RBFOX1: variants seen among roughly 807,000 people sequenced by gnomAD.
RBFOX1 encodes the protein RNA binding fox-1 homolog 1, also known as RNA binding protein fox-1 homolog 1.
A neutral mutation model predicts 57.7 loss-of-function variants in RBFOX1; 8 were observed. The ratio of observed to expected loss-of-function variants is 0.14; its 90% CI spans 0.08 to 0.25. The LOEUF (loss-of-function observed/expected upper bound fraction) is 0.25. Ranked by LOEUF, RBFOX1 falls within the 10% of genes least tolerant of loss-of-function variation. The pLI, the probability that RBFOX1 is intolerant of heterozygous loss-of-function variation, is 1.00. For missense variants in RBFOX1, 611 were observed against 548.5 expected (o/e 1.11, Z -1.14); for synonymous variants, 326 against 222.4 (o/e 1.47, Z -4.15).
At chr16:5,329,611 C>T (rs542729224) in intron 1 of RBFOX1, among the ~76,000 whole-genome samples, 4 of 152,340 alleles carry the variant, frequency 2.6e-5, no homozygotes, top group African/African-American at 9.6e-5. Context: ...CTGTCTTAGT[C>T]TGTTTGGACT....
At chr16:5,892,321 G>T (rs1284440028) in intron 4 of RBFOX1, among the ~76,000 whole-genome samples, 1 of 152,130 alleles carries the variant, frequency 6.6e-6, no homozygotes, top group Non-Finnish European at 1.5e-5. Flanking sequence ...TTAAAGTTCT[G>T]CCTTTGCTGT....
intron 4 of RBFOX1, among the ~76,000 whole-genome samples, chr16:7,096,196 C>A (rs565851458): frequency 1.3e-5 from 2 of 152,004 alleles, no homozygotes; most frequent in Non-Finnish European, 2.9e-5. Context: ...TGGTAACCAT[C>A]GAGCAAAAGT....
At chr16:6,858,709 G>A (rs1222381056) in intron 3 of RBFOX1, among the ~76,000 whole-genome samples, 2 of 152,086 alleles carry the variant, frequency 1.3e-5, no homozygotes, top group Admixed American at 6.6e-5. Flanking sequence ...CAGAATATGA[G>A]TGTTCAGCTC....
At chr16:6,521,337 A>T (rs374350402) in intron 2 of RBFOX1, among the ~76,000 whole-genome samples, 25 of 152,172 alleles carry the variant, frequency 1.6e-4, no homozygotes, top group African/African-American at 6.0e-4. Context: ...CTAACATTCC[A>T]CTACTAATTG....
chr16:7,032,552 T>A (rs2043088183), intron 3 of RBFOX1, among the ~76,000 whole-genome samples: 1 of 151,758 alleles, frequency 6.6e-6, no homozygotes, highest in Non-Finnish European at 1.5e-5. Context: ...AAATCTTATG[T>A]GGGAACATCT....
chr16:7,528,794 C>G (rs2079284108), intron 5 of RBFOX1, among the ~76,000 whole-genome samples: 1 of 152,124 alleles, frequency 6.6e-6, no homozygotes, highest in East Asian at 1.9e-4. Flanking sequence ...CTATGAATTC[C>G]ATGCAATTTT....
rs147845388 is a variant in RBFOX1, at chr16:5,417,247, C to A, written c.220-49969C>A. On this transcript the variant is annotated intron_variant, in intron 1 of 2. Coordinates refer to the RBFOX1 transcript ENST00000585867. Reference sequence around the variant, plus strand: ...TTAGTGTTAATTTCTGGCAGGGTTCCCCTACTCCCTGTTGAAGGAAATCAA... The same window carrying A: ...TTAGTGTTAATTTCTGGCAGGGTTCACCTACTCCCTGTTGAAGGAAATCAA... 1.9e-3 allele frequency among the ~76,000 whole-genome samples: 282 copies of A among 152,260 alleles called. 1 individual carries two copies. Among genetic ancestry groups the A allele is most frequent in the Middle Eastern group, 0.014 (4 of 294 alleles).
chr16:5,525,465 G>C (rs1475642252), intron 2 of RBFOX1, among the ~76,000 whole-genome samples: 1 of 148,706 alleles, frequency 6.7e-6, no homozygotes, highest in Non-Finnish European at 1.5e-5. Flanking sequence ...CTCACACCGA[G>C]ATAGGCTGGC....
At chr16:5,415,378 A>T (rs957301376) in intron 1 of RBFOX1, among the ~76,000 whole-genome samples, 3 of 152,180 alleles carry the variant, frequency 2.0e-5, no homozygotes, top group Non-Finnish European at 4.4e-5. Flanking sequence ...CACCCCGATG[A>T]TGCAGTCACT....
At chr16:7,700,509 C>G (rs1036935570) in intron 14 of RBFOX1, among the ~76,000 whole-genome samples, 5 of 152,146 alleles carry the variant, frequency 3.3e-5, no homozygotes, top group African/African-American at 2.4e-5. Flanking sequence ...ATAAGGGATA[C>G]AATTTGTTTT....
chr16:6,284,148 GC>G (rs1307204324), intron 1 of RBFOX1, among the ~76,000 whole-genome samples: 9 of 152,140 alleles, frequency 5.9e-5, no homozygotes, highest in African/African-American at 2.2e-4. Flanking sequence ...TAATCACTTT[GC>G]CCCATTTTTC....
At chr16:6,096,952 A>G (rs2096252169) in intron 1 of RBFOX1, among the ~76,000 whole-genome samples, 1 of 152,136 alleles carries the variant, frequency 6.6e-6, no homozygotes, top group Non-Finnish European at 1.5e-5. Flanking sequence ...CACTCCTGGT[A>G]TGGTTTGGCT....
intron 3 of RBFOX1, among the ~76,000 whole-genome samples, chr16:5,787,133 C>G (rs2054529544): frequency 6.6e-6 from 1 of 152,046 alleles, no homozygotes; most frequent in Admixed American, 6.5e-5. Context: ...GATACTGTCT[C>G]CCAAAAAAAT....
chr16:6,067,021 TTAAA>T (rs1172293670), intron 1 of RBFOX1, among the ~76,000 whole-genome samples: 1 of 152,106 alleles, frequency 6.6e-6, no homozygotes, highest in African/African-American at 2.4e-5. Flanking sequence ...ACGGCACAGT[TTAAA>T]TGTCAGGCTC....
rs2083925578 is a variant in RBFOX1, at chr16:7,711,003, C to G, written c.*258C>G. On this transcript the variant is annotated 3_prime_UTR_variant, in exon 16 of 16. Transcript: ENST00000550418. ...TAGGAGTTTTTGTGGTTGATCTAGA[C>G]AGATGCTAGATAATGAATAAAAACT... 5.4e-6 allele frequency: 2 copies of G among 367,064 alleles called. No individual in the cohort carries two copies. The highest frequency in any genetic ancestry group is 9.5e-5 in the East Asian group (2 of 21,050). 22.7% of individuals were successfully genotyped at this position (367,064 alleles called of 1,614,324 possible).
chr16:6,017,031 T>A (rs1452330544), upstream of RBFOX1, among the ~76,000 whole-genome samples: 3 of 152,212 alleles, frequency 2.0e-5, no homozygotes, highest in African/African-American at 7.2e-5. Context: ...CTATTTCTAC[T>A]CTACAATAAA....
chr16:7,268,424 C>T (rs1363976277), intron 4 of RBFOX1, among the ~76,000 whole-genome samples: 2 of 152,208 alleles, frequency 1.3e-5, no homozygotes, highest in African/African-American at 2.4e-5. Context: ...GTTACTTGCT[C>T]TCTGGGAGAA....
intron 2 of RBFOX1, among the ~76,000 whole-genome samples, chr16:6,562,178 T>C (rs948641836): frequency 6.6e-6 from 1 of 152,232 alleles, no homozygotes; most frequent in African/African-American, 2.4e-5. Context: ...CAAGAGTTTG[T>C]GGCTCTGGAA....
chr16:7,077,998 C>T (rs1414936606), intron 4 of RBFOX1, among the ~76,000 whole-genome samples: 1 of 152,090 alleles, frequency 6.6e-6, no homozygotes, highest in Non-Finnish European at 1.5e-5. Flanking sequence ...ACTCTGGGGC[C>T]CGGTGAATGG....
Sources: gnomAD v4.1 joint callset for allele counts (sites outside exome capture counted in the v4.1 genomes callset) on GRCh38, gnomAD v4.1.1 for gene constraint, MANE v1.5 for transcripts, NCBI Gene and HGNC (gene_info 2026-07-23, HGNC 2026-07-21) for gene names.